The following CRIM1 variants were observed in gnomAD, a reference collection of about 807,000 sequenced individuals.
CRIM1 encodes cysteine-rich motor neuron 1 protein.
In CRIM1, 32 loss-of-function variants were observed where a neutral mutation model predicts 116.4. That is an observed-to-expected ratio of 0.27 (90% confidence interval 0.21 to 0.37). The LOEUF is 0.37. Ranked by LOEUF, CRIM1 falls within the 10% of genes least tolerant of loss-of-function variation. The pLI is 1.00. For missense variants in CRIM1, 1,331 were observed against 1,354.8 expected, an observed-to-expected ratio of 0.98 and a Z score of 0.28; for synonymous variants, 590 against 509.2, an observed-to-expected ratio of 1.16 and a Z score of -2.13.
chr2:36,396,713 C>G lies in CRIM1; in HGVS notation c.431C>G (p.Thr144Ser), dbSNP rs772899642. 1 of 1,613,620 alleles carries G rather than the reference C, an allele frequency of 6.2e-7. No homozygotes were observed. ...NIINGKCECNTIRTCSNPFEF... is the reference protein window; with the variant it reads ...NIINGKCECNSIRTCSNPFEF... ...ATCAATGGGAAATGTGAATGTAACA[C>G]CATTCGAACCTGCAGCAATCCCTTT... Residue 144 changes from threonine to serine, a missense_variant, in exon 2 of 17, where the codon ACC becomes AGC. Physicochemically the swap from Thr to Ser is moderately conservative, Grantham distance 58. This residue lies in a region of CRIM1 where 690 missense variants were observed against 676.0 expected (regional missense o/e 1.02). Coordinates refer to ENST00000280527, the MANE Select transcript of CRIM1 (RefSeq NM_016441.3).
At chr2:36,388,009 G>A (rs115905732) in intron 1 of CRIM1, among the ~76,000 whole-genome samples, 2,539 of 145,468 alleles carry the variant, frequency 0.017, 41 homozygotes, top group Middle Eastern at 0.042. Context: ...TTTAAACACT[G>A]TCTTAACTGT....
In CRIM1 at chr2:36,537,462, ACCCTCTGCTCGACCGTCAGCTGCCC is replaced by A; in HGVS notation, c.2548_2572del (p.Ser850ProfsTer65). On this transcript the variant is annotated frameshift_variant, in exon 14 of 17. Coordinates refer to ENST00000280527, the MANE Select transcript of CRIM1 (RefSeq NM_016441.3). LOFTEE classifies it high-confidence loss of function. Reference sequence around the variant, plus strand: ...CCACTGCTACTGCCTGCAGGGCCAGACCCTCTGCTCGACCGTCAGCTGCCCCCCTCTGCCCTGTGTTGAGCCCATC... The same window carrying A: ...CCACTGCTACTGCCTGCAGGGCCAGACCCTCTGCCCTGTGTTGAGCCCATC... 1 of 1,614,196 alleles carries A rather than the reference ACCCTCTGCTCGACCGTCAGCTGCCC, an allele frequency of 6.2e-7. No homozygotes were observed. The highest frequency in any genetic ancestry group is 8.5e-7 in the Non-Finnish European group (1 of 1,180,034).
intron 13 of CRIM1, among the ~76,000 whole-genome samples, chr2:36,526,736 C>A (rs1317467176): frequency 6.6e-6 from 1 of 152,288 alleles, no homozygotes. Context: ...AGTGGATCCT[C>A]CCTGTGTCCA....
chr2:36,361,323 A>G (rs994909896), intron 1 of CRIM1, among the ~76,000 whole-genome samples: 9 of 152,196 alleles, frequency 5.9e-5, no homozygotes. Flanking sequence ...TCAGATTAAT[A>G]TATGAAGAAA....
chr2:36,390,827 T>G (rs1177679386), intron 1 of CRIM1, among the ~76,000 whole-genome samples: 1 of 152,148 alleles, frequency 6.6e-6, no homozygotes, highest in Non-Finnish European at 1.5e-5. Flanking sequence ...TATTTATTTT[T>G]TTGACAGAGT....
intron 7 of CRIM1, among the ~76,000 whole-genome samples, chr2:36,483,242 A>G (rs1219113399): frequency 2.0e-5 from 3 of 152,194 alleles, no homozygotes; most frequent in African/African-American, 4.8e-5. Flanking sequence ...AATAGCATAT[A>G]AAGTTTTCAG....
chr2:36,387,584 G>C (rs966348578), intron 1 of CRIM1, among the ~76,000 whole-genome samples: 3 of 152,182 alleles, frequency 2.0e-5, no homozygotes, highest in African/African-American at 4.8e-5. Flanking sequence ...AGAGAGTTAA[G>C]GTCTGTGCCA....
intron 2 of CRIM1, among the ~76,000 whole-genome samples, chr2:36,398,072 C>T (rs1318985043): frequency 6.6e-6 from 1 of 152,182 alleles, no homozygotes; most frequent in Non-Finnish European, 1.5e-5. Flanking sequence ...GGTATTTTGC[C>T]AACTTCAGTA....
At chr2:36,361,707 G>C (rs1410621487) in intron 1 of CRIM1, among the ~76,000 whole-genome samples, 1 of 152,196 alleles carries the variant, frequency 6.6e-6, no homozygotes, top group Non-Finnish European at 1.5e-5. Context: ...GGTGCAAGCA[G>C]AGATGATAGT....
Position 36,479,653 on chromosome 2 carries a change from A to T in CRIM1, c.1331A>T (p.Asn444Ile). 1 of 1,614,188 alleles carries T rather than the reference A, an allele frequency of 6.2e-7. No homozygotes were observed. The highest frequency in any genetic ancestry group is 1.6e-4 in the Middle Eastern group (1 of 6,062). ...VATVCGQTCT[N>I]PVKVPGECCP... ...ACCGTCTGCGGACAGACCTGCACAA[A>T]CCCTGTGAAAGTGCCTGGGGAGTGT... The change falls in exon 7 of 17, where the codon AAC becomes ATC. Residue 444 changes from asparagine to isoleucine, a missense_variant. By Grantham distance (149) the Asn-to-Ile change is moderately radical (BLOSUM62 -3). Around this residue, in one of 3 missense-constraint regions of CRIM1, gnomAD observed 690 missense variants for 676.0 expected, o/e 1.02. Transcript: ENST00000280527.
chr2:36,394,722 A>G (rs1671882816), intron 1 of CRIM1, among the ~76,000 whole-genome samples: 2 of 151,962 alleles, frequency 1.3e-5, no homozygotes, highest in Admixed American at 6.6e-5. Flanking sequence ...GTGTGTCGGT[A>G]TAAACTTCAA....
intron 8 of CRIM1, among the ~76,000 whole-genome samples, chr2:36,503,363 G>A (rs557300694): frequency 6.6e-6 from 1 of 152,302 alleles, no homozygotes; most frequent in East Asian, 1.9e-4. Flanking sequence ...CATATGTAAA[G>A]GGCAAATAAT....
chr2:36,476,747 C>T, intron 5 of CRIM1, 142 bp from the exon 6 acceptor site: 1 of 658,828 alleles, frequency 1.5e-6, no homozygotes, highest in Middle Eastern at 4.4e-4. Flanking sequence ...TTTTCTGTTA[C>T]ATGAACTTAC....
At chr2:36,371,516 AAACGAATGG>A (rs1168847888) in intron 1 of CRIM1, among the ~76,000 whole-genome samples, 1 of 152,192 alleles carries the variant, frequency 6.6e-6, no homozygotes. Context: ...GTGGAAACTG[AAACGAATGG>A]CACTCCCCGT....
intron 1 of CRIM1, among the ~76,000 whole-genome samples, chr2:36,393,513 C>T (rs1462201122): frequency 6.6e-6 from 1 of 151,728 alleles, no homozygotes; most frequent in Non-Finnish European, 1.5e-5. Context: ...CATATATATA[C>T]ATGTGTGTAT....
At chr2:36,458,682 G>A (rs1279448162) in intron 4 of CRIM1, among the ~76,000 whole-genome samples, 1 of 152,158 alleles carries the variant, frequency 6.6e-6, no homozygotes, top group African/African-American at 2.4e-5. Context: ...AGGGGAGTAA[G>A]GGACACAAGG....
At chr2:36,451,475 A>T (rs1676720147) in intron 4 of CRIM1, among the ~76,000 whole-genome samples, 2 of 152,174 alleles carry the variant, frequency 1.3e-5, no homozygotes, top group Non-Finnish European at 2.9e-5. Context: ...AACAGATGAC[A>T]ATTTTTTCTT....
intron 16 of CRIM1, among the ~76,000 whole-genome samples, chr2:36,548,231 G>A (rs961794557): frequency 4.7e-5 from 7 of 149,856 alleles, no homozygotes; most frequent in Non-Finnish European, 7.4e-5. Flanking sequence ...GAAACACAAG[G>A]TCTGCACTTC....
chr2:36,389,054 A>G (rs988805703), intron 1 of CRIM1, among the ~76,000 whole-genome samples: 1 of 152,220 alleles, frequency 6.6e-6, no homozygotes, highest in African/African-American at 2.4e-5. Context: ...TGTTTGAAAG[A>G]TTCAGGCTTT....
Sources: allele counts gnomAD v4.1 joint callset (sites outside exome capture counted in the v4.1 genomes callset), GRCh38; gene constraint gnomAD v4.1.1; regional missense constraint gnomAD v4.1.1; transcripts MANE v1.5; gene names NCBI Gene and HGNC (gene_info 2026-07-23, HGNC 2026-07-21).